The following PACS1 variants were observed in gnomAD, a reference collection of about 807,000 sequenced individuals.
PACS1 encodes phosphofurin acidic cluster sorting protein 1.
In PACS1, 24 loss-of-function variants were observed where a neutral mutation model predicts 115.0. The ratio of observed to expected loss-of-function variants is 0.21; its 90% CI spans 0.15 to 0.29. The LOEUF (loss-of-function observed/expected upper bound fraction) is 0.29, where lower values mean the gene tolerates loss of function less well. Among genes scored for constraint, PACS1 ranks in the 10% least tolerant of loss-of-function variants. The pLI, the probability that PACS1 is intolerant of heterozygous loss-of-function variation, is 1.00. For synonymous variants in PACS1, 453 were observed against 504.5 expected (o/e 0.90, Z 1.37); for missense variants, 838 against 1,251.2 (o/e 0.67, Z 4.98).
At chr11:66,190,823 A>G (rs538610906) in intron 1 of PACS1, among the ~76,000 whole-genome samples, 6 of 152,270 alleles carry the variant, frequency 3.9e-5, no homozygotes, top group Non-Finnish European at 7.4e-5. Context: ...ATTTTGGAGG[A>G]AACAGCATGA....
intron 1 of PACS1, among the ~76,000 whole-genome samples, chr11:66,122,113 G>A (rs1369639810): frequency 2.6e-5 from 4 of 152,192 alleles, no homozygotes; most frequent in Non-Finnish European, 4.4e-5. Flanking sequence ...ACTTTAAGTT[G>A]AAGCCAATGC....
At chr11:66,080,572 A>T (rs911059983) in intron 1 of PACS1, among the ~76,000 whole-genome samples, 1 of 152,172 alleles carries the variant, frequency 6.6e-6, no homozygotes, top group Non-Finnish European at 1.5e-5. Flanking sequence ...CAGAAGGGAA[A>T]ATTGAGGCCC....
chr11:66,164,979 C>T (rs1226394502), intron 1 of PACS1, among the ~76,000 whole-genome samples: 1 of 152,084 alleles, frequency 6.6e-6, no homozygotes, highest in African/African-American at 2.4e-5. Context: ...AGTGTGGAGA[C>T]CAAGCTGCAG....
chr11:66,199,111 C>T (rs569306897), intron 2 of PACS1, among the ~76,000 whole-genome samples: 173 of 152,130 alleles, frequency 1.1e-3, no homozygotes, highest in Non-Finnish European at 1.9e-3. Flanking sequence ...GTCAGGAGAT[C>T]GAGACCATCC....
Position 66,235,280 on chromosome 11 carries a change from G to A in PACS1, c.2105-21G>A. 1 of 1,597,448 alleles carries A rather than the reference G, an allele frequency of 6.3e-7. No individual in the cohort carries two copies. Among genetic ancestry groups the A allele is most frequent in the Admixed American group, 1.7e-5 (1 of 59,964 alleles). ...CAGCTGAAGTCAGTAGGCAGTTAGT[G>A]ATCTCTTGGCTTTTCTGCAGAGCAA... On this transcript the variant is annotated intron_variant, in intron 17 of 23. Transcript: ENST00000320580. This position sits in a 1 kb window ranked among gnomAD's most constrained non-coding sequence, Gnocchi z 5.6.
chr11:66,211,418 A>G (rs1210706896), intron 4 of PACS1, among the ~76,000 whole-genome samples, 159 bp downstream of exon 4: 1 of 152,212 alleles, frequency 6.6e-6, no homozygotes, highest in Non-Finnish European at 1.5e-5. Context: ...AATTCAGAGT[A>G]TACTTGTTTT....
At chr11:66,168,752 ATGTGTGTGTGTG>A (rs34140940) in intron 1 of PACS1, among the ~76,000 whole-genome samples, 5 of 99,106 alleles carry the variant, frequency 5.0e-5, no homozygotes, top group Non-Finnish European at 1.2e-4. Context: ...ATATATATAT[ATGTGTGTGTGTG>A]TGTGTGTGTG....
chr11:66,217,411 C>G, intron 7 of PACS1: 1 of 362,328 alleles, frequency 2.8e-6, no homozygotes, highest in Non-Finnish European at 5.5e-6. Flanking sequence ...TTCTGGAGTG[C>G]CTGCATGAAG....
At chr11:66,138,084 G>A (rs896511398) in intron 1 of PACS1, among the ~76,000 whole-genome samples, 1 of 149,288 alleles carries the variant, frequency 6.7e-6, no homozygotes, top group African/African-American at 2.5e-5. Flanking sequence ...ATTTTGCCCC[G>A]TTTATTTATT....
chr11:66,077,144 TG>T (rs1857412544), intron 1 of PACS1, among the ~76,000 whole-genome samples: 3 of 152,240 alleles, frequency 2.0e-5, no homozygotes. Context: ...AGAATGGCTT[TG>T]GTCACAACTC....
At chr11:66,176,767 T>C (rs1859874152) in intron 1 of PACS1, among the ~76,000 whole-genome samples, 1 of 152,148 alleles carries the variant, frequency 6.6e-6, no homozygotes, top group African/African-American at 2.4e-5. Context: ...GAACCAGTTC[T>C]GTGGCTTTGA....
At chr11:66,212,373 C>G (rs1855095039) in intron 4 of PACS1, among the ~76,000 whole-genome samples, 2 of 151,476 alleles carry the variant, frequency 1.3e-5, no homozygotes, top group African/African-American at 2.4e-5. Flanking sequence ...ACCTTGTGAT[C>G]CGCCCGCCTT....
At chr11:66,242,687 C>G (rs1274837645) in intron 22 of PACS1, among the ~76,000 whole-genome samples, 2 of 152,158 alleles carry the variant, frequency 1.3e-5, no homozygotes, top group Non-Finnish European at 2.9e-5. Context: ...GCGAAGATAT[C>G]GAGCCCCAGG....
intron 1 of PACS1, among the ~76,000 whole-genome samples, chr11:66,103,130 C>T (rs1312307544): frequency 1.3e-5 from 2 of 152,062 alleles, no homozygotes; most frequent in Admixed American, 1.3e-4. Context: ...CAAGCCTGGC[C>T]AACCTGTGAG....
At chr11:66,217,540 C>T in intron 7 of PACS1, 1 of 456,158 alleles carries the variant, frequency 2.2e-6, no homozygotes, top group South Asian at 1.5e-5. Flanking sequence ...CCCCTGAGAG[C>T]CGAGATGCCC....
intron 1 of PACS1, among the ~76,000 whole-genome samples, chr11:66,074,038 G>C (rs997877262): frequency 2.6e-5 from 4 of 150,966 alleles, no homozygotes; most frequent in African/African-American, 9.8e-5. Flanking sequence ...TGAGATTACA[G>C]GTGTGAGCCA....
chr11:66,185,470 C>A (rs4930173), intron 1 of PACS1, among the ~76,000 whole-genome samples: 40,051 of 152,098 alleles, frequency 0.26, 5,991 homozygotes, highest in South Asian at 0.46. Context: ...GGTGGACTGG[C>A]TGGAGAACCC....
intron 1 of PACS1, chr11:66,121,190 G>A (rs485547): frequency 0.99 from 417,446 of 420,004 alleles, 207,497 homozygotes; most frequent in East Asian, 1. Flanking sequence ...GTGATCAGTG[G>A]TCTTTGATGC....
At position 66,100,041 on chromosome 11, in the gene PACS1, C is replaced by T. The variant is rs566974204; in HGVS notation, c.356+29199C>T. Among the ~76,000 whole-genome samples the T allele has an allele frequency of 4.6e-5, 7 of 151,946 alleles. No homozygotes were observed. In the South Asian group the frequency reaches 6.2e-4, roughly 14 times the overall value. On this transcript the variant is annotated intron_variant, in intron 1 of 23. Coordinates refer to ENST00000320580, the MANE Select transcript of PACS1 (RefSeq NM_018026.4). Reference sequence around the variant, plus strand: ...GATTACAGACATCCGCCAGCACACCCAGCTAATTTTGTATTTTTAGTAGAG... The same window carrying T: ...GATTACAGACATCCGCCAGCACACCTAGCTAATTTTGTATTTTTAGTAGAG...
Sources: gnomAD v4.1 joint callset for allele counts (sites outside exome capture counted in the v4.1 genomes callset) on GRCh38, gnomAD v4.1.1 for gene constraint, Gnocchi (gnomAD v3.1) non-coding constraint, MANE v1.5 for transcripts, NCBI Gene and HGNC (gene_info 2026-07-23, HGNC 2026-07-21) for gene names.